The following ERBB4 variants were observed in gnomAD, a reference collection of about 807,000 sequenced individuals.
ERBB4 encodes receptor tyrosine-protein kinase erbB-4.
In ERBB4, 42 loss-of-function variants were observed where a neutral mutation model predicts 158.0. That is an observed-to-expected ratio of 0.27 (90% CI 0.21 to 0.34). ERBB4 has a LOEUF of 0.34. Ranked by LOEUF, ERBB4 falls within the 10% of genes least tolerant of loss-of-function variation. ERBB4 has a pLI of 1.00. For missense variants in ERBB4, 1,333 were observed against 1,624.1 expected (o/e 0.82, Z 3.08); for synonymous variants, 583 against 558.7 (o/e 1.04, Z -0.61).
chr2:211,896,505 T>C (rs987742078), intron 3 of ERBB4, among the ~76,000 whole-genome samples: 3 of 152,152 alleles, frequency 2.0e-5, no homozygotes, highest in African/African-American at 7.2e-5. Context: ...TCCTCTCTGA[T>C]TTTTTTATTA....
chr2:212,295,677 TCA>T (rs2086385284), intron 1 of ERBB4, among the ~76,000 whole-genome samples: 1 of 152,078 alleles, frequency 6.6e-6, no homozygotes, highest in Admixed American at 6.6e-5. Context: ...TATTTGTGAA[TCA>T]CAGTGATGCT....
chr2:211,944,206 A>ATATATATATATATATATATATATATAG (rs371912701), intron 3 of ERBB4, among the ~76,000 whole-genome samples: 4 of 104,036 alleles, frequency 3.8e-5, no homozygotes, highest in Non-Finnish European at 5.4e-5. Flanking sequence ...TATACTATAT[A>ATATATATATATATATATATATATATAG]TATATATACA....
At chr2:211,614,994 T>G (rs1397991586) in intron 19 of ERBB4, among the ~76,000 whole-genome samples, 8 of 152,092 alleles carry the variant, frequency 5.3e-5, no homozygotes, top group Non-Finnish European at 1.2e-4. Flanking sequence ...ACACTTTTCC[T>G]TGCAGTATCT....
intron 1 of ERBB4, among the ~76,000 whole-genome samples, chr2:212,128,735 A>T (rs6746409): frequency 0.097 from 14,710 of 152,194 alleles, 1,618 homozygotes; most frequent in African/African-American, 0.27. Context: ...ATGAAATTAC[A>T]GTATCATTCC....
At chr2:211,943,359 G>A (rs1248145360) in intron 3 of ERBB4, among the ~76,000 whole-genome samples, 1 of 152,070 alleles carries the variant, frequency 6.6e-6, no homozygotes, top group Non-Finnish European at 1.5e-5. Context: ...ATTAAAAAAA[G>A]TCAGCAGGAC....
At chr2:212,527,049 A>G (rs1692486131) in intron 1 of ERBB4, among the ~76,000 whole-genome samples, 1 of 152,104 alleles carries the variant, frequency 6.6e-6, no homozygotes, top group Admixed American at 6.6e-5. Flanking sequence ...CCAGTAAGCT[A>G]TATTTCAAGG....
chr2:211,679,018 C>T (rs1426905521), intron 13 of ERBB4, 34 bp downstream of exon 13: 3 of 1,388,848 alleles, frequency 2.2e-6, no homozygotes, highest in Non-Finnish European at 3.0e-6. Context: ...CTTCAAAGCT[C>T]ATGAGGTGAA....
chr2:212,180,274 T>A (rs917367445), intron 1 of ERBB4, among the ~76,000 whole-genome samples: 5 of 151,698 alleles, frequency 3.3e-5, no homozygotes, highest in African/African-American at 1.2e-4. Flanking sequence ...TAAATACATG[T>A]GATATCCTGT....
intron 3 of ERBB4, among the ~76,000 whole-genome samples, chr2:211,850,899 T>TA (rs2077703715): frequency 6.6e-6 from 1 of 151,998 alleles, no homozygotes; most frequent in Non-Finnish European, 1.5e-5. Flanking sequence ...CTGAAGAGTT[T>TA]AGATTCTGAT....
chr2:212,535,144 T>A (rs539102950), intron 1 of ERBB4, among the ~76,000 whole-genome samples: 1 of 152,270 alleles, frequency 6.6e-6, no homozygotes, highest in African/African-American at 2.4e-5. Flanking sequence ...AGAACAGTTA[T>A]AGTATTTCCA....
intron 1 of ERBB4, among the ~76,000 whole-genome samples, chr2:212,388,985 C>T (rs1330172875): frequency 6.6e-6 from 1 of 152,058 alleles, no homozygotes; most frequent in East Asian, 1.9e-4. Context: ...GCAATTTGTA[C>T]CTGCTTTACA....
chr2:211,968,950 T>C (rs1019375082), intron 2 of ERBB4, among the ~76,000 whole-genome samples: 4 of 151,976 alleles, frequency 2.6e-5, no homozygotes, highest in African/African-American at 9.7e-5. Flanking sequence ...CAAATTCAAA[T>C]TAGTAATGTA....
intron 1 of ERBB4, among the ~76,000 whole-genome samples, chr2:212,235,364 T>G (rs1442513656): frequency 6.6e-6 from 1 of 152,166 alleles, no homozygotes; most frequent in Non-Finnish European, 1.5e-5. Context: ...TACCATGCTG[T>G]TTTGGTTACT....
At chr2:212,262,706 G>C (rs953164666) in intron 1 of ERBB4, among the ~76,000 whole-genome samples, 1 of 152,228 alleles carries the variant, frequency 6.6e-6, no homozygotes, top group African/African-American at 2.4e-5. Flanking sequence ...AAGGGTATCT[G>C]TGAAGTGCAA....
chr2:212,468,745 G>A (rs1251639083), intron 1 of ERBB4, among the ~76,000 whole-genome samples: 1 of 152,148 alleles, frequency 6.6e-6, no homozygotes, highest in African/African-American at 2.4e-5. Context: ...TATATCCTAG[G>A]AGAACCGTAC....
intron 2 of ERBB4, among the ~76,000 whole-genome samples, chr2:212,063,866 T>C (rs2077858027): frequency 6.6e-6 from 1 of 152,162 alleles, no homozygotes; most frequent in Non-Finnish European, 1.5e-5. Context: ...ATCCCTTGAA[T>C]GGCCCTTGAA....
intron 1 of ERBB4, among the ~76,000 whole-genome samples, chr2:212,202,992 T>C (rs1169885477): frequency 6.6e-6 from 1 of 151,620 alleles, no homozygotes; most frequent in African/African-American, 2.4e-5. Flanking sequence ...TATAACTTAT[T>C]TTATTTACAT....
chr2:211,634,647 C>G (rs756274719), intron 16 of ERBB4, among the ~76,000 whole-genome samples: 1 of 151,976 alleles, frequency 6.6e-6, no homozygotes, highest in African/African-American at 2.4e-5. Flanking sequence ...TATTACCAAC[C>G]AACCTGTTTC....
chr2:212,125,890 G>A (rs1187064190), intron 1 of ERBB4, among the ~76,000 whole-genome samples: 3 of 152,182 alleles, frequency 2.0e-5, no homozygotes, highest in Non-Finnish European at 4.4e-5. Flanking sequence ...AAACGTGCAT[G>A]TGTCATTGTA....
Sources: allele counts gnomAD v4.1 joint callset (sites outside exome capture counted in the v4.1 genomes callset), GRCh38; gene constraint gnomAD v4.1.1; transcripts MANE v1.5; gene names NCBI Gene and HGNC (gene_info 2026-07-23, HGNC 2026-07-21).